PLCXD2: variants seen among roughly 807,000 people sequenced by gnomAD.
PLCXD2 encodes phosphatidylinositol specific phospholipase C X domain containing 2.
PLCXD2 carries 21 observed loss-of-function variants against 28.6 expected under a neutral mutation model. The observed-to-expected ratio is 0.73, with a 90% CI of 0.52 to 1.06. The LOEUF is 1.06. Ranked by LOEUF, PLCXD2 falls within the 50% of genes least tolerant of loss-of-function variation. PLCXD2 has a pLI of 0.00. For missense variants in PLCXD2, 369 were observed against 376.7 expected, an observed-to-expected ratio of 0.98 and a Z score of 0.17; for synonymous variants, 140 against 150.1, an observed-to-expected ratio of 0.93 and a Z score of 0.49.
intron 1 of PLCXD2, among the ~76,000 whole-genome samples, chr3:111,703,933 T>C (rs1299005634): frequency 1.3e-5 from 2 of 152,236 alleles, no homozygotes; most frequent in Non-Finnish European, 2.9e-5. Context: ...TTCTTAATAC[T>C]TACTGGATAG....
chr3:111,681,917 C>T (rs1296582154), intron 1 of PLCXD2, among the ~76,000 whole-genome samples: 1 of 152,204 alleles, frequency 6.6e-6, no homozygotes, highest in Non-Finnish European at 1.5e-5. Flanking sequence ...AATGCTTTAG[C>T]GTCCTGCAAC....
At chr3:111,685,887 C>T (rs1940787500) in intron 1 of PLCXD2, among the ~76,000 whole-genome samples, 1 of 152,114 alleles carries the variant, frequency 6.6e-6, no homozygotes, top group Non-Finnish European at 1.5e-5. Context: ...AATAGGTACC[C>T]CTCCCCATGT....
chr3:111,710,135 T>C (rs977533530), intron 2 of PLCXD2, among the ~76,000 whole-genome samples: 1 of 152,246 alleles, frequency 6.6e-6, no homozygotes. Flanking sequence ...TTGCGCACCC[T>C]GAGAAGTTCT....
chr3:111,719,099 A>G (rs1027556104), intron 3 of PLCXD2, among the ~76,000 whole-genome samples: 1 of 152,222 alleles, frequency 6.6e-6, no homozygotes, highest in Admixed American at 6.5e-5. Flanking sequence ...ACAAAAATCA[A>G]TTTGAGATGG....
intron 1 of PLCXD2, among the ~76,000 whole-genome samples, chr3:111,693,768 C>G (rs891740465): frequency 6.6e-6 from 1 of 152,172 alleles, no homozygotes; most frequent in African/African-American, 2.4e-5. Flanking sequence ...AGATGTTCAT[C>G]TCAATCAGAG....
intron 2 of PLCXD2, among the ~76,000 whole-genome samples, 165 bp from the exon 3 acceptor site, chr3:111,713,722 A>C (rs1413020002): frequency 6.6e-6 from 1 of 152,152 alleles, no homozygotes; most frequent in African/African-American, 2.4e-5. Context: ...GTGCTCTGTA[A>C]ATCTTTGCTG....
intron 3 of PLCXD2, among the ~76,000 whole-genome samples, chr3:111,716,616 G>A (rs766674772): frequency 6.6e-6 from 1 of 152,154 alleles, no homozygotes; most frequent in Non-Finnish European, 1.5e-5. Context: ...TGAGGACAGA[G>A]CATCCATGAA....
intron 1 of PLCXD2, among the ~76,000 whole-genome samples, chr3:111,702,663 T>C (rs1513334): frequency 0.97 from 147,433 of 152,240 alleles, 71,404 homozygotes; most frequent in East Asian, 1. Flanking sequence ...TATCATAAAA[T>C]AAACTGCTAT....
At chr3:111,684,014 G>C (rs1940755688) in intron 1 of PLCXD2, among the ~76,000 whole-genome samples, 1 of 152,060 alleles carries the variant, frequency 6.6e-6, no homozygotes, top group Non-Finnish European at 1.5e-5. Flanking sequence ...AGGGAGTAAA[G>C]TGGCAACATA....
At chr3:111,696,490 A>G (rs1012637046) in intron 1 of PLCXD2, among the ~76,000 whole-genome samples, 3 of 152,188 alleles carry the variant, frequency 2.0e-5, no homozygotes, top group African/African-American at 4.8e-5. Flanking sequence ...TTGACATTCA[A>G]TGCAATTTTA....
intron 1 of PLCXD2, among the ~76,000 whole-genome samples, chr3:111,687,684 CTT>C (rs5851776): frequency 7.7e-4 from 106 of 137,290 alleles, no homozygotes; most frequent in Non-Finnish European, 1.0e-3. Flanking sequence ...TTCTTTCTTT[CTT>C]TTTTTTTTTT....
intron 1 of PLCXD2, among the ~76,000 whole-genome samples, chr3:111,690,533 A>G (rs1190858746): frequency 6.6e-6 from 1 of 152,244 alleles, no homozygotes; most frequent in Non-Finnish European, 1.5e-5. Flanking sequence ...AAAGACCAGC[A>G]TGAGGCTTTA....
intron 1 of PLCXD2, among the ~76,000 whole-genome samples, chr3:111,702,442 G>A (rs1941056823): frequency 2.0e-5 from 3 of 152,150 alleles, no homozygotes; most frequent in African/African-American, 4.8e-5. Context: ...GGAAAGAGAA[G>A]ACAATCGTGT....
At chr3:111,684,865 A>C (rs1446464103) in intron 1 of PLCXD2, among the ~76,000 whole-genome samples, 2 of 152,104 alleles carry the variant, frequency 1.3e-5, no homozygotes, top group Non-Finnish European at 2.9e-5. Context: ...CCTGAGGAGG[A>C]GGGTGACAGC....
intron 1 of PLCXD2, among the ~76,000 whole-genome samples, chr3:111,698,250 G>A (rs1940990810): frequency 1.3e-5 from 2 of 152,176 alleles, no homozygotes; most frequent in African/African-American, 4.8e-5. Flanking sequence ...CTTCACAACA[G>A]ACCAATGAAG....
At chr3:111,717,509 A>G (rs1941283716) in intron 3 of PLCXD2, among the ~76,000 whole-genome samples, 1 of 152,118 alleles carries the variant, frequency 6.6e-6, no homozygotes, top group Non-Finnish European at 1.5e-5. Flanking sequence ...CCTTCTTCGT[A>G]CTTAATCCTA....
chr3:111,706,495 A>T (rs2107861106), intron 1 of PLCXD2, among the ~76,000 whole-genome samples: 1 of 152,320 alleles, frequency 6.6e-6, no homozygotes, highest in Non-Finnish European at 1.5e-5. Flanking sequence ...GTAAAGTTAA[A>T]CAATAAAAGA....
intron 1 of PLCXD2, among the ~76,000 whole-genome samples, chr3:111,686,142 T>C (rs1393036087): frequency 2.0e-5 from 3 of 152,218 alleles, no homozygotes; most frequent in Non-Finnish European, 4.4e-5. Flanking sequence ...CACACATAGA[T>C]ACTTCATTTG....
chr3:111,715,959 A>T (rs1013496695), intron 3 of PLCXD2, among the ~76,000 whole-genome samples: 1 of 152,242 alleles, frequency 6.6e-6, no homozygotes, highest in Admixed American at 6.5e-5. Flanking sequence ...TAAAACTTTA[A>T]TCTGGCTGCA....
Sources: allele counts gnomAD v4.1 joint callset (sites outside exome capture counted in the v4.1 genomes callset), GRCh38; gene constraint gnomAD v4.1.1; transcripts MANE v1.5; gene names NCBI Gene and HGNC (gene_info 2026-07-23, HGNC 2026-07-21).